The following TMEM244 variants were observed in gnomAD, a reference collection of about 807,000 sequenced individuals.
TMEM244 encodes the protein putative transmembrane protein 244.
A neutral mutation model predicts 15.8 loss-of-function variants in TMEM244; 13 were observed. That is an observed-to-expected ratio of 0.82 (90% CI 0.53 to 1.30). The LOEUF (loss-of-function observed/expected upper bound fraction) is 1.30. TMEM244 is among the 50% of genes most tolerant of loss of function. The pLI is 0.00. For missense variants in TMEM244, 161 were observed against 144.9 expected (o/e 1.11, Z -0.57); for synonymous variants, 45 against 48.7 (o/e 0.92, Z 0.32).
intron 1 of TMEM244, among the ~76,000 whole-genome samples, chr6:129,855,930 A>G (rs767665606): frequency 6.6e-6 from 1 of 152,144 alleles, no homozygotes; most frequent in Non-Finnish European, 1.5e-5. Flanking sequence ...ATTCATTAAC[A>G]TATCTCATCT....
intron 1 of TMEM244, among the ~76,000 whole-genome samples, chr6:129,851,694 T>C (rs1007666270): frequency 5.9e-5 from 9 of 152,218 alleles, no homozygotes; most frequent in African/African-American, 2.2e-4. Flanking sequence ...AGGAAAATAA[T>C]TATATTGAAT....
intron 1 of TMEM244, among the ~76,000 whole-genome samples, chr6:129,859,515 T>A (rs1276529439): frequency 6.6e-6 from 1 of 152,236 alleles, no homozygotes; most frequent in Non-Finnish European, 1.5e-5. Context: ...GTGTTGTGCT[T>A]CTGAGATTTT....
chr6:129,836,056 A>G (rs1776400816), intron 3 of TMEM244, among the ~76,000 whole-genome samples: 1 of 152,184 alleles, frequency 6.6e-6, no homozygotes, highest in Non-Finnish European at 1.5e-5. Flanking sequence ...TGAAGAGAGC[A>G]GTTGTTCTCT....
chr6:129,850,481 AC>A (rs1486450318), intron 1 of TMEM244, among the ~76,000 whole-genome samples: 1 of 152,098 alleles, frequency 6.6e-6, no homozygotes, highest in Non-Finnish European at 1.5e-5. Context: ...GGGAGAGGAA[AC>A]TGTTGACTCT....
intron 4 of TMEM244, among the ~76,000 whole-genome samples, chr6:129,832,075 A>T (rs1468409486): frequency 6.7e-6 from 1 of 149,020 alleles, no homozygotes; most frequent in Non-Finnish European, 1.5e-5. Context: ...TGTGTTCTTC[A>T]GTTGGAGACA....
chr6:129,844,568 G>T (rs1043961693), intron 2 of TMEM244, among the ~76,000 whole-genome samples: 2 of 152,110 alleles, frequency 1.3e-5, no homozygotes, highest in Non-Finnish European at 2.9e-5. Flanking sequence ...GTTTGTAGTC[G>T]TGTGCAGCTG....
chr6:129,843,070 G>A (rs192326610), intron 3 of TMEM244, among the ~76,000 whole-genome samples: 1 of 152,128 alleles, frequency 6.6e-6, no homozygotes, highest in African/African-American at 2.4e-5. Context: ...TCCCAGATGG[G>A]AGATAACAGT....
At chr6:129,842,728 G>A (rs1776509536) in intron 3 of TMEM244, among the ~76,000 whole-genome samples, 1 of 151,500 alleles carries the variant, frequency 6.6e-6, no homozygotes, top group South Asian at 2.1e-4. Context: ...CTTTCTGCTT[G>A]TAGATATTTT....
At chr6:129,853,716 G>A (rs1277359638) in intron 1 of TMEM244, among the ~76,000 whole-genome samples, 1 of 152,150 alleles carries the variant, frequency 6.6e-6, no homozygotes, top group African/African-American at 2.4e-5. Context: ...AAAAAGGATA[G>A]AGGAAAGTGC....
intron 1 of TMEM244, among the ~76,000 whole-genome samples, chr6:129,856,416 C>T (rs1455674704): frequency 6.6e-6 from 1 of 152,102 alleles, no homozygotes; most frequent in Non-Finnish European, 1.5e-5. Context: ...TAATATCTGG[C>T]AGGCATTTGT....
intron 4 of TMEM244, 71 bp from the exon 5 acceptor site, chr6:129,831,457 GT>G: frequency 9.2e-7 from 1 of 1,091,068 alleles, no homozygotes; most frequent in Non-Finnish European, 1.4e-6. Flanking sequence ...AAATACGTCT[GT>G]TTGGTCAAAT....
chr6:129,841,353 C>T (rs985446004), intron 3 of TMEM244, among the ~76,000 whole-genome samples: 1 of 139,468 alleles, frequency 7.2e-6, no homozygotes, highest in Non-Finnish European at 1.5e-5. Context: ...TGTTCTCACT[C>T]ATAGGTGGGA....
At chr6:129,847,563 G>A (rs1012851414) in intron 1 of TMEM244, among the ~76,000 whole-genome samples, 4 of 151,980 alleles carry the variant, frequency 2.6e-5, no homozygotes, top group African/African-American at 9.7e-5. Context: ...GGGATGTGAG[G>A]CCTAAGAGGG....
At chr6:129,844,301 C>T (rs370429858) in intron 2 of TMEM244, among the ~76,000 whole-genome samples, 14 of 152,270 alleles carry the variant, frequency 9.2e-5, no homozygotes, top group African/African-American at 2.9e-4. Context: ...TTTGATGTCT[C>T]AGCTAGAATC....
rs970054168 is a variant in TMEM244 at position 129,852,180 on chromosome 6, A to G, written c.34-6328T>C. ...AAGTGAGGGATGAATGGGATTCATTATACCATTTTATTTAAATTTGCATAT... is the reference window on the plus strand; with the variant it reads ...AAGTGAGGGATGAATGGGATTCATTGTACCATTTTATTTAAATTTGCATAT... On this transcript the variant is annotated intron_variant, in intron 1 of 4. Coordinates refer to ENST00000368143, the MANE Select transcript of TMEM244 (RefSeq NM_001010876.2). Among the ~76,000 whole-genome samples, 5 of 152,160 alleles carry G rather than the reference A, an allele frequency of 3.3e-5. No homozygotes were observed. The East Asian group carries it at 5.8e-4, about 18-fold the overall frequency.
At chr6:129,851,433 A>G (rs58076972) in intron 1 of TMEM244, among the ~76,000 whole-genome samples, 69 of 152,110 alleles carry the variant, frequency 4.5e-4, no homozygotes, top group African/African-American at 1.6e-3. Flanking sequence ...CATGCCCAGC[A>G]AATTTTTTGT....
chr6:129,847,768 CTTTTTTCT>C (rs1276493367), intron 1 of TMEM244, among the ~76,000 whole-genome samples: 3 of 143,218 alleles, frequency 2.1e-5, no homozygotes, highest in East Asian at 2.0e-4. Flanking sequence ...TTTCTTTTTT[CTTTTTTCT>C]TTTTTTTTTT....
At chr6:129,838,088 G>A (rs148822190) in intron 3 of TMEM244, among the ~76,000 whole-genome samples, 12 of 152,258 alleles carry the variant, frequency 7.9e-5, no homozygotes, top group East Asian at 3.9e-4. Flanking sequence ...GACATCTACC[G>A]AATTCTACAC....
At chr6:129,847,806 C>T (rs552723259) in intron 1 of TMEM244, among the ~76,000 whole-genome samples, 94 of 138,010 alleles carry the variant, frequency 6.8e-4, no homozygotes, top group African/African-American at 2.4e-3. Context: ...CAGAGTTTTG[C>T]TTTTGTTGCC....
Sources: gnomAD v4.1 joint callset for allele counts (sites outside exome capture counted in the v4.1 genomes callset) on GRCh38, gnomAD v4.1.1 for gene constraint, MANE v1.5 for transcripts, NCBI Gene and HGNC (gene_info 2026-07-23, HGNC 2026-07-21) for gene names.